Variants in XRCC4 observed in about 807,000 individuals in gnomAD.
XRCC4 encodes DNA repair protein XRCC4.
XRCC4 carries 28 observed loss-of-function variants against 39.1 expected under a neutral mutation model. The observed-to-expected ratio is 0.72, with a 90% CI of 0.53 to 0.98. The LOEUF (loss-of-function observed/expected upper bound fraction) is 0.98. Ranked by LOEUF, XRCC4 falls within the 50% of genes least tolerant of loss-of-function variation. The pLI, the probability that XRCC4 is intolerant of heterozygous loss-of-function variation, is 0.00. For synonymous variants in XRCC4, 123 were observed against 126.4 expected, an observed-to-expected ratio of 0.97 and a Z score of 0.18; for missense variants, 350 against 376.4, an observed-to-expected ratio of 0.93 and a Z score of 0.58.
intron 7 of XRCC4, among the ~76,000 whole-genome samples, chr5:83,328,916 ATTGAG>A (rs932743605): frequency 1.3e-5 from 2 of 152,038 alleles, no homozygotes; most frequent in African/African-American, 4.8e-5. Context: ...TATTATGACA[ATTGAG>A]TTTTTTATTT....
At chr5:83,345,718 A>G (rs1182838386) in intron 7 of XRCC4, among the ~76,000 whole-genome samples, 2 of 152,206 alleles carry the variant, frequency 1.3e-5, no homozygotes. Flanking sequence ...GGCCGTAGTG[A>G]TACCATTTTA....
intron 3 of XRCC4, among the ~76,000 whole-genome samples, chr5:83,183,099 G>A (rs1465765248): frequency 6.6e-6 from 1 of 152,004 alleles, no homozygotes; most frequent in Non-Finnish European, 1.5e-5. Context: ...CTGGTATCTA[G>A]CACTGTTATA....
chr5:83,105,043 G>A lies in XRCC4; in HGVS notation c.124G>A (p.Ala42Thr). 2 of 1,612,500 alleles carry A rather than the reference G, an allele frequency of 1.2e-6. No individual in the cohort carries two copies. The highest frequency in any genetic ancestry group is 1.7e-6 in the Non-Finnish European group (2 of 1,179,388). ...TATTACACTTACTGATGGTCATTCA[G>A]CATGGACTGGGACAGGTAATACTAA... ...FVITLTDGHS[A>T]WTGTVSESEI... The change falls in exon 2 of 8, where the codon GCA becomes ACA. Residue 42 changes from alanine (A) to threonine (T), a missense_variant. Physicochemically the swap from Ala to Thr is moderately conservative, Grantham distance 58 (BLOSUM62 0). Coordinates refer to ENST00000396027, the MANE Select transcript of XRCC4 (RefSeq NM_003401.5).
chr5:83,281,875 A>G (rs935823130), intron 7 of XRCC4, among the ~76,000 whole-genome samples: 1 of 152,122 alleles, frequency 6.6e-6, no homozygotes, highest in Non-Finnish European at 1.5e-5. Flanking sequence ...CCCCCCAAAA[A>G]GGGGACTGTC....
intron 1 of XRCC4, among the ~76,000 whole-genome samples, chr5:83,094,526 T>G (rs1459829074): frequency 6.6e-6 from 1 of 151,712 alleles, no homozygotes; most frequent in African/African-American, 2.4e-5. Flanking sequence ...AGGCAGCTGT[T>G]CAAGCTTCCT....
chr5:83,208,654 A>G (rs1251564997), intron 6 of XRCC4, among the ~76,000 whole-genome samples: 3 of 152,018 alleles, frequency 2.0e-5, no homozygotes, highest in African/African-American at 7.2e-5. Flanking sequence ...TCATGCTCAT[A>G]TGTACTGTAT....
At chr5:83,300,707 TCTCCTAATGCTATCCCTC>T (rs1755252916) in intron 7 of XRCC4, among the ~76,000 whole-genome samples, 1 of 151,972 alleles carries the variant, frequency 6.6e-6, no homozygotes, top group African/African-American at 2.4e-5. Context: ...ATTAGGTATT[TCTCCTAATGCTATCCCTC>T]CTCTTGCCCC....
intron 6 of XRCC4, among the ~76,000 whole-genome samples, chr5:83,206,804 A>T (rs1389073802): frequency 1.3e-5 from 2 of 152,116 alleles, no homozygotes; most frequent in African/African-American, 2.4e-5. Context: ...AGTGGATGGG[A>T]TCCAAGGGAC....
chr5:83,151,634 T>G (rs1748707966), intron 3 of XRCC4, among the ~76,000 whole-genome samples: 1 of 152,152 alleles, frequency 6.6e-6, no homozygotes, highest in Non-Finnish European at 1.5e-5. Flanking sequence ...ATAGCCATAT[T>G]GGATTGGGGA....
chr5:83,282,828 C>G (rs1308021318), intron 7 of XRCC4, among the ~76,000 whole-genome samples: 2 of 151,896 alleles, frequency 1.3e-5, no homozygotes, highest in African/African-American at 4.8e-5. Context: ...GGCGACAGAG[C>G]AAGACTCCAT....
rs1580542598 is a variant in XRCC4, at chr5:83,352,980, C to G, written c.894-151C>G. 7.0e-6 allele frequency: 4 copies of G among 571,414 alleles called. No homozygotes were observed. The East Asian group carries it at 1.3e-4, about 18-fold the overall frequency. 35.4% of individuals were successfully genotyped at this position (571,414 alleles called of 1,614,324 possible). On this transcript the variant is annotated intron_variant, in intron 7 of 7. Transcript: ENST00000396027. ...GAGAAATTAGTCTCTTTATCTCTTT[C>G]CTTATAGTTAATAGCATAGAGAAAT...
intron 7 of XRCC4, among the ~76,000 whole-genome samples, chr5:83,286,726 T>A (rs1398215764): frequency 6.6e-6 from 1 of 152,064 alleles, no homozygotes; most frequent in Non-Finnish European, 1.5e-5. Flanking sequence ...AATAACTAGG[T>A]ACTCTTACCT....
intron 3 of XRCC4, among the ~76,000 whole-genome samples, chr5:83,148,788 C>G (rs1352578200): frequency 2.6e-5 from 4 of 151,434 alleles, no homozygotes; most frequent in Non-Finnish European, 5.9e-5. Context: ...AGATAGCTTA[C>G]TTAGGACATC....
intron 3 of XRCC4, among the ~76,000 whole-genome samples, chr5:83,122,081 A>G (rs1276907432): frequency 6.6e-6 from 1 of 152,170 alleles, no homozygotes; most frequent in Admixed American, 6.6e-5. Context: ...TTAGGCTTAT[A>G]ATAAATCATG....
At chr5:83,208,485 TA>T (rs781551074) in intron 6 of XRCC4, among the ~76,000 whole-genome samples, 11 of 152,032 alleles carry the variant, frequency 7.2e-5, no homozygotes, top group Non-Finnish European at 1.3e-4. Flanking sequence ...AGAAGTAGAG[TA>T]GGGGTATTAC....
chr5:83,093,560 C>T (rs1367185134), intron 1 of XRCC4, among the ~76,000 whole-genome samples: 1 of 152,138 alleles, frequency 6.6e-6, no homozygotes, highest in Non-Finnish European at 1.5e-5. Flanking sequence ...TATGTTAGTT[C>T]ACAAAGCACA....
chr5:83,152,714 G>A (rs1413501530), intron 3 of XRCC4, among the ~76,000 whole-genome samples: 4 of 150,494 alleles, frequency 2.7e-5, no homozygotes, highest in African/African-American at 9.8e-5. Context: ...AAAGATCTAT[G>A]TTCTTTTTAA....
intron 7 of XRCC4, among the ~76,000 whole-genome samples, chr5:83,264,402 A>T (rs375585289): frequency 2.0e-5 from 3 of 152,032 alleles, no homozygotes; most frequent in Non-Finnish European, 2.9e-5. Context: ...TTGCTTTCTG[A>T]TATCTTCTTC....
chr5:83,370,872 GC>G, the XRCC4 span, among the ~76,000 whole-genome samples: 1 of 151,938 alleles, frequency 6.6e-6, no homozygotes, highest in African/African-American at 2.4e-5. Context: ...CTCTAACTCT[GC>G]CCCATGCCAA....
Sources: allele counts gnomAD v4.1 joint callset (sites outside exome capture counted in the v4.1 genomes callset), GRCh38; gene constraint gnomAD v4.1.1; transcripts MANE v1.5; gene names NCBI Gene and HGNC (gene_info 2026-07-23, HGNC 2026-07-21).